Variants in PTPRD observed in about 807,000 individuals in gnomAD.
PTPRD encodes receptor-type tyrosine-protein phosphatase delta.
PTPRD carries 34 observed loss-of-function variants against 214.5 expected under a neutral mutation model. The observed-to-expected ratio is 0.16, with a 90% CI of 0.12 to 0.21. The LOEUF is 0.21. PTPRD is among the 10% of genes least tolerant of loss of function. PTPRD has a pLI of 1.00. For missense variants in PTPRD, 2,545 were observed against 2,398.7 expected (o/e 1.06, Z -1.27); for synonymous variants, 1,128 against 845.7 (o/e 1.33, Z -5.79).
intron 11 of PTPRD, among the ~76,000 whole-genome samples, chr9:9,017,711 G>C (rs1463236661): frequency 2.6e-5 from 4 of 152,068 alleles, no homozygotes; most frequent in African/African-American, 9.7e-5. Context: ...TCGAATAATT[G>C]CATGATGACT....
intron 12 of PTPRD, among the ~76,000 whole-genome samples, chr9:8,680,128 A>G (rs906520387): frequency 1.3e-5 from 2 of 152,024 alleles, no homozygotes; most frequent in Non-Finnish European, 2.9e-5. Flanking sequence ...ATTTTGAATA[A>G]TTTATATTAT....
In PTPRD at chr9:9,936,361, T is replaced by G. The variant is rs1000245238; in HGVS notation, c.-368+2146A>C. ...AAGGGCTAATATCCAGAATCTACAATGAACTCAAACAAATTTACAAGAAAA... is the reference window on the plus strand; with the variant it reads ...AAGGGCTAATATCCAGAATCTACAAGGAACTCAAACAAATTTACAAGAAAA... On this transcript the variant is annotated intron_variant, in intron 5 of 45. Transcript: ENST00000381196. 1.9e-3 allele frequency among the ~76,000 whole-genome samples: 290 copies of G among 151,698 alleles called. 1 individual carries two copies. Among genetic ancestry groups the G allele is most frequent in the South Asian group, 6.4e-3 (31 of 4,808 alleles).
At chr9:9,790,482 C>G (rs1421055040) in intron 5 of PTPRD, among the ~76,000 whole-genome samples, 2 of 152,160 alleles carry the variant, frequency 1.3e-5, no homozygotes, top group African/African-American at 4.8e-5. Context: ...AATCAATTCC[C>G]TTCTGCCTGA....
intron 42 of PTPRD, among the ~76,000 whole-genome samples, chr9:8,339,648 G>A (rs959849705): frequency 1.3e-5 from 2 of 151,964 alleles, no homozygotes; most frequent in Non-Finnish European, 2.9e-5. Flanking sequence ...TCTACAAGTT[G>A]GGCTTTAGCT....
intron 9 of PTPRD, among the ~76,000 whole-genome samples, chr9:9,234,288 C>T (rs771297473): frequency 4.6e-5 from 7 of 152,218 alleles, no homozygotes; most frequent in Non-Finnish European, 1.0e-4. Context: ...TTAGCTACAG[C>T]TGGAGCTGAA....
chr9:9,217,159 C>A (rs2133172528), intron 9 of PTPRD, among the ~76,000 whole-genome samples: 1 of 152,152 alleles, frequency 6.6e-6, no homozygotes, highest in Non-Finnish European at 1.5e-5. Flanking sequence ...AGTTTAAAGG[C>A]CACTTGTTCC....
intron 2 of PTPRD, among the ~76,000 whole-genome samples, chr9:10,479,654 T>TAAACAAACAAACAAAC (rs879309037): frequency 1.6e-5 from 1 of 64,130 alleles, no homozygotes. Flanking sequence ...AATAAATAAA[T>TAAACAAACAAACAAAC]AAATAAACAA....
rs553431069 is a variant in PTPRD at position 10,590,718 on chromosome 9, T to A, written c.-600+21680A>T. Among the ~76,000 whole-genome samples the A allele has an allele frequency of 2.0e-5, 3 of 152,002 alleles. No individual in the cohort carries two copies. The East Asian group carries it at 5.8e-4, about 30-fold the overall frequency. On this transcript the variant is annotated intron_variant, in intron 2 of 45. Transcript: ENST00000381196. The stretch of plus-strand genomic sequence containing the variant: ...AATTGCTTATTCATTCTCCATCAAA[T>A]TCATTTTTGAAGCAGTCTCCTCCTC...
chr9:9,683,087 G>A (rs1052021914), intron 7 of PTPRD, among the ~76,000 whole-genome samples: 1 of 151,812 alleles, frequency 6.6e-6, no homozygotes. Context: ...TTATGGCAAG[G>A]TCATTAGGCT....
At chr9:9,384,213 A>G (rs1172672061) in intron 9 of PTPRD, among the ~76,000 whole-genome samples, 1 of 151,882 alleles carries the variant, frequency 6.6e-6, no homozygotes, top group Non-Finnish European at 1.5e-5. Flanking sequence ...TAGGTATAGA[A>G]GATGATGAAT....
chr9:10,153,835 G>A (rs766539745), intron 3 of PTPRD, among the ~76,000 whole-genome samples: 16 of 151,956 alleles, frequency 1.1e-4, no homozygotes, highest in Admixed American at 2.6e-4. Context: ...TAGTGGCTGC[G>A]TAGAATTCCA....
At chr9:10,211,793 C>G (rs564954633) in intron 3 of PTPRD, among the ~76,000 whole-genome samples, 1 of 151,842 alleles carries the variant, frequency 6.6e-6, no homozygotes, top group East Asian at 1.9e-4. Context: ...ATTGGGAAAT[C>G]GGAAGAGTAA....
intron 11 of PTPRD, among the ~76,000 whole-genome samples, chr9:8,883,757 C>A (rs1223310648): frequency 1.3e-5 from 2 of 152,158 alleles, no homozygotes; most frequent in East Asian, 3.9e-4. Context: ...CTTGCACCAC[C>A]TGAATGCTTT....
At chr9:9,181,458 T>C (rs2099928163) in intron 10 of PTPRD, among the ~76,000 whole-genome samples, 1 of 151,882 alleles carries the variant, frequency 6.6e-6, no homozygotes, top group African/African-American at 2.4e-5. Context: ...AGCAGACAGG[T>C]TCCTGATGCT....
chr9:9,860,843 A>C (rs938319094), intron 5 of PTPRD, among the ~76,000 whole-genome samples: 1 of 152,168 alleles, frequency 6.6e-6, no homozygotes, highest in Non-Finnish European at 1.5e-5. Flanking sequence ...CACAAAACAG[A>C]GATGTTGGTT....
rs530698714 is a variant in PTPRD, at chr9:9,467,865, A to G, written c.-236-70383T>C. Among the ~76,000 whole-genome samples the G allele has an allele frequency of 2.0e-5, 3 of 152,242 alleles. No individual in the cohort carries two copies. The East Asian group carries it at 5.8e-4, about 29-fold the overall frequency. The stretch of plus-strand genomic sequence containing the variant: ...TTTTCTGTAAATCTAATTGGTAACT[A>G]TTCATTTTAAAATACATTGAGGTAT... On this transcript the variant is annotated intron_variant, in intron 8 of 45. Transcript: ENST00000381196.
At chr9:9,975,433 G>A (rs923151458) in intron 4 of PTPRD, among the ~76,000 whole-genome samples, 3 of 152,196 alleles carry the variant, frequency 2.0e-5, no homozygotes, top group African/African-American at 7.2e-5. Flanking sequence ...TGGACAATGC[G>A]TTAAGCGATT....
At chr9:8,772,883 G>C (rs553808371) in intron 11 of PTPRD, among the ~76,000 whole-genome samples, 4 of 152,094 alleles carry the variant, frequency 2.6e-5, no homozygotes, top group African/African-American at 9.6e-5. Flanking sequence ...TTTGTTCTGA[G>C]ATTCAGTTAA....
rs1567101166 is a variant in PTPRD at position 8,934,498 on chromosome 9, T to TAA, written c.-104+84198_-104+84199insTT. The stretch of plus-strand genomic sequence containing the variant: ...ATATAAATATATATATATATAAATA[T>TAA]ATATATAAATATATATATATAAATA... On this transcript the variant is annotated intron_variant, in intron 11 of 45. Transcript: ENST00000381196. 6.8e-4 allele frequency among the ~76,000 whole-genome samples: 21 copies of TAA among 30,948 alleles called. 3 individuals are homozygous for TAA. The highest frequency in any genetic ancestry group is 1.2e-3 in the Non-Finnish European group (21 of 17,626). The allele number at this position is 30,948 out of a possible 152,430, so 20.3% of individuals were successfully genotyped here.
Sources: gnomAD v4.1 joint callset for allele counts (sites outside exome capture counted in the v4.1 genomes callset) on GRCh38, gnomAD v4.1.1 for gene constraint, MANE v1.5 for transcripts, NCBI Gene and HGNC (gene_info 2026-07-23, HGNC 2026-07-21) for gene names.